GBF1: variants seen among roughly 807,000 people sequenced by gnomAD.
GBF1 encodes Golgi-specific brefeldin A-resistance guanine nucleotide exchange factor 1.
A neutral mutation model predicts 210.5 loss-of-function variants in GBF1; 114 were observed. That is an observed-to-expected ratio of 0.54 (90% CI 0.47 to 0.63). The LOEUF (loss-of-function observed/expected upper bound fraction) is 0.63. Among genes scored for constraint, GBF1 ranks in the 30% least tolerant of loss-of-function variants. The pLI is 0.00. For missense variants in GBF1, 1,851 were observed against 2,357.7 expected, an observed-to-expected ratio of 0.79 and a Z score of 4.45; for synonymous variants, 850 against 889.2, an observed-to-expected ratio of 0.96 and a Z score of 0.78.
At chr10:102,288,404 C>T (rs1023433334) in intron 3 of GBF1, among the ~76,000 whole-genome samples, 3 of 152,088 alleles carry the variant, frequency 2.0e-5, no homozygotes, top group African/African-American at 4.8e-5. Context: ...ACCTAATGCT[C>T]GGGAGTGATT....
chr10:102,281,482 TC>T (rs2075470488), intron 3 of GBF1, among the ~76,000 whole-genome samples: 1 of 151,558 alleles, frequency 6.6e-6, no homozygotes, highest in Non-Finnish European at 1.5e-5. Context: ...AAGTGGTTTT[TC>T]ATTATAGCCT....
intron 6 of GBF1, 56 bp downstream of exon 6, chr10:102,352,007 A>T: frequency 1.1e-6 from 1 of 947,568 alleles, no homozygotes; most frequent in Non-Finnish European, 1.7e-6. Flanking sequence ...TCTGAGTATG[A>T]ATACAGGAGG....
At chr10:102,360,780 A>T (rs2059553638) in intron 12 of GBF1, among the ~76,000 whole-genome samples, 1 of 152,142 alleles carries the variant, frequency 6.6e-6, no homozygotes, top group African/African-American at 2.4e-5. Flanking sequence ...GATTGAGACC[A>T]GCCTGACCAA....
At chr10:102,251,703 G>A (rs184873621) in intron 1 of GBF1, among the ~76,000 whole-genome samples, 32 of 152,114 alleles carry the variant, frequency 2.1e-4, no homozygotes, top group Admixed American at 7.2e-4. Flanking sequence ...ACAGGTGTGC[G>A]CCACCACACC....
intron 3 of GBF1, among the ~76,000 whole-genome samples, chr10:102,312,757 G>T (rs1319535922): frequency 1.3e-5 from 2 of 152,170 alleles, no homozygotes; most frequent in Non-Finnish European, 2.9e-5. Context: ...TGCTCCTGGT[G>T]TTTGCCTCGG....
intron 3 of GBF1, among the ~76,000 whole-genome samples, chr10:102,319,735 T>C (rs2056218726): frequency 6.7e-6 from 1 of 149,288 alleles, no homozygotes; most frequent in Non-Finnish European, 1.5e-5. Flanking sequence ...TTTCTTTTTT[T>C]TTTTTTTTTT....
chr10:102,230,805 C>T, the GBF1 span: 1 of 1,554,904 alleles, frequency 6.4e-7, no homozygotes, highest in Non-Finnish European at 8.7e-7. Flanking sequence ...GCACGGTGCC[C>T]GGGGCAGCCG....
At chr10:102,279,473 A>G (rs1458024607) in intron 3 of GBF1, among the ~76,000 whole-genome samples, 1 of 152,224 alleles carries the variant, frequency 6.6e-6, no homozygotes, top group Non-Finnish European at 1.5e-5. Flanking sequence ...GATTCATCTT[A>G]TTAAGCACTT....
intron 2 of GBF1, among the ~76,000 whole-genome samples, chr10:102,259,569 G>C (rs925072225): frequency 1.3e-5 from 2 of 152,032 alleles, no homozygotes; most frequent in Non-Finnish European, 2.9e-5. Flanking sequence ...AACAATTTTT[G>C]GCCCAGTTGT....
upstream of GBF1, among the ~76,000 whole-genome samples, chr10:102,244,286 A>T (rs185971101): frequency 2.0e-5 from 3 of 152,174 alleles, no homozygotes; most frequent in East Asian, 5.8e-4. Flanking sequence ...AATTGGGAGG[A>T]TGTATGGAAA....
At chr10:102,275,946 A>G (rs1219011289) in intron 3 of GBF1, among the ~76,000 whole-genome samples, 1 of 152,210 alleles carries the variant, frequency 6.6e-6, no homozygotes, top group African/African-American at 2.4e-5. Context: ...GTTTTAAATA[A>G]TGTTTCTGGG....
In GBF1 at chr10:102,364,381, T is replaced by C. The variant is rs576394035; in HGVS notation, c.2106+583T>C. On this transcript the variant is annotated intron_variant, in intron 17 of 39. Coordinates refer to ENST00000369983, the MANE Select transcript of GBF1 (RefSeq NM_001377137.1). ...CTGGGACTACAGGCGTGTGCCACCA[T>C]GCCTGGCTAATTTTTTGTATTTTTA... is the stretch of plus-strand genomic sequence containing the variant. Among the ~76,000 whole-genome samples, 15 of 151,074 alleles carry C rather than the reference T, an allele frequency of 9.9e-5. No individual in the cohort carries two copies. The South Asian group carries it at 2.5e-3, about 25-fold the overall frequency.
At chr10:102,376,122 C>T (rs932216530) in intron 30 of GBF1, 150 bp from the exon 31 acceptor site, 3 of 637,250 alleles carry the variant, frequency 4.7e-6, no homozygotes, top group Non-Finnish European at 8.2e-6. Flanking sequence ...ACTGTTCCGG[C>T]CATCCTTTGG....
intron 3 of GBF1, among the ~76,000 whole-genome samples, chr10:102,267,995 T>C (rs2074031274): frequency 6.6e-6 from 1 of 152,212 alleles, no homozygotes; most frequent in Non-Finnish European, 1.5e-5. Flanking sequence ...ATAAAGGTAC[T>C]GTGATTCTTT....
chr10:102,305,337 G>C (rs2077757573), intron 3 of GBF1, among the ~76,000 whole-genome samples: 2 of 152,124 alleles, frequency 1.3e-5, no homozygotes, highest in African/African-American at 4.8e-5. Flanking sequence ...TCCTGGCCAG[G>C]TGCAGTGGCT....
At position 102,363,179 on chromosome 10, in the gene GBF1, T is replaced by G. The variant is rs1449631392; in HGVS notation, c.1877-77T>G. ...AGGAACCATGCAGGTCTTCTGGGCT[T>G]GGGATTTGATCTATCCTGCAGCTCT... On this transcript the variant is annotated intron_variant, in intron 15 of 39. Coordinates refer to ENST00000369983, the MANE Select transcript of GBF1 (RefSeq NM_001377137.1). This position sits in a 1 kb window ranked among gnomAD's most constrained non-coding sequence, Gnocchi z 4.2. The G allele has an allele frequency of 7.3e-6, 10 of 1,369,342 alleles. No individual in the cohort carries two copies. Among genetic ancestry groups the G allele is most frequent in the Non-Finnish European group, 9.9e-6 (10 of 1,009,924 alleles). The allele number at this position is 1,369,342 out of a possible 1,614,324, so 84.8% of individuals were successfully genotyped here. A position where few individuals can be genotyped will look rare whatever the true frequency, so the allele number is the denominator to read the frequency against.
intron 1 of GBF1, among the ~76,000 whole-genome samples, chr10:102,246,074 A>G (rs2070790159): frequency 6.6e-6 from 1 of 152,194 alleles, no homozygotes; most frequent in African/African-American, 2.4e-5. Context: ...TCTCCTTTCC[A>G]GCGCTTTCTG....
At chr10:102,254,624 A>G (rs983264814) in intron 1 of GBF1, among the ~76,000 whole-genome samples, 1 of 152,188 alleles carries the variant, frequency 6.6e-6, no homozygotes, top group African/African-American at 2.4e-5. Flanking sequence ...CCAGCTTTAA[A>G]TGGACAGTGG....
intron 3 of GBF1, among the ~76,000 whole-genome samples, chr10:102,316,340 G>A (rs948973898): frequency 1.3e-5 from 2 of 152,236 alleles, no homozygotes; most frequent in East Asian, 3.9e-4. Context: ...GCCCGCCTTA[G>A]CCTCCCAAAG....
Sources: gnomAD v4.1 joint callset for allele counts (sites outside exome capture counted in the v4.1 genomes callset) on GRCh38, gnomAD v4.1.1 for gene constraint, Gnocchi (gnomAD v3.1) non-coding constraint, MANE v1.5 for transcripts, NCBI Gene and HGNC (gene_info 2026-07-23, HGNC 2026-07-21) for gene names.